Variants in MYO1H observed in about 807,000 individuals in gnomAD.
MYO1H encodes the protein myosin IH.
A neutral mutation model predicts 149.3 loss-of-function variants in MYO1H; 118 were observed. That is an observed-to-expected ratio of 0.79 (90% CI 0.68 to 0.92). The LOEUF (loss-of-function observed/expected upper bound fraction) is 0.92. MYO1H is among the 40% of genes least tolerant of loss of function. MYO1H has a pLI of 0.00. For missense variants in MYO1H, 1,212 were observed against 1,280.7 expected (o/e 0.95, Z 0.82); for synonymous variants, 447 against 465.2 (o/e 0.96, Z 0.50).
chr12:109,341,700 G>A, the MYO1H span, among the ~76,000 whole-genome samples: 3 of 152,348 alleles, frequency 2.0e-5, no homozygotes, highest in African/African-American at 7.2e-5. Context: ...GGCTACTCTA[G>A]TTGGTCCTAA....
intron 2 of MYO1H, 99 bp downstream of exon 2, chr12:109,388,943 G>T: frequency 7.2e-7 from 1 of 1,395,024 alleles, no homozygotes; most frequent in Non-Finnish European, 9.7e-7. Context: ...TATTAGGTTA[G>T]ACATTAAAGG....
At chr12:109,325,873 C>T in the MYO1H span, among the ~76,000 whole-genome samples, 2 of 152,172 alleles carry the variant, frequency 1.3e-5, no homozygotes, top group Non-Finnish European at 2.9e-5. Context: ...AATGAGATAC[C>T]ATCTCACGCC....
intron 24 of MYO1H, among the ~76,000 whole-genome samples, chr12:109,440,350 G>A (rs1001370276): frequency 3.9e-5 from 6 of 151,974 alleles, no homozygotes; most frequent in African/African-American, 4.8e-5. Context: ...GAGTACTTTC[G>A]AATCATTTCT....
At chr12:109,405,726 C>T (rs1007778327) in intron 7 of MYO1H, among the ~76,000 whole-genome samples, 196 bp from the exon 8 acceptor site, 3 of 152,136 alleles carry the variant, frequency 2.0e-5, no homozygotes, top group Non-Finnish European at 4.4e-5. Flanking sequence ...TTCCCTCTTC[C>T]CTTAGCACCT....
chr12:109,310,756 C>G, the MYO1H span, among the ~76,000 whole-genome samples: 1 of 152,164 alleles, frequency 6.6e-6, no homozygotes, highest in Non-Finnish European at 1.5e-5. Context: ...TCTGGTAGCA[C>G]CTGGACGTCC....
At chr12:109,316,577 A>C in the MYO1H span, among the ~76,000 whole-genome samples, 1 of 152,224 alleles carries the variant, frequency 6.6e-6, no homozygotes, top group Non-Finnish European at 1.5e-5. Context: ...CATTGTAACA[A>C]ATTATACTTA....
intron 15 of MYO1H, among the ~76,000 whole-genome samples, chr12:109,420,318 G>A (rs1341438772): frequency 3.9e-5 from 6 of 152,160 alleles, no homozygotes; most frequent in African/African-American, 1.4e-4. Flanking sequence ...GGGATATGTG[G>A]CAATGTCTAG....
chr12:109,385,863 C>T (rs1869295228), intron 1 of MYO1H, among the ~76,000 whole-genome samples: 1 of 152,148 alleles, frequency 6.6e-6, no homozygotes, highest in South Asian at 2.1e-4. Flanking sequence ...CTACCTCTTC[C>T]CCACTTATTT....
chr12:109,416,419 A>G (rs949230537), intron 15 of MYO1H, among the ~76,000 whole-genome samples: 1 of 148,256 alleles, frequency 6.7e-6, no homozygotes, highest in Non-Finnish European at 1.5e-5. Context: ...GGAATCATGC[A>G]ATGTGTGACC....
chr12:109,435,348 C>T (rs1201893316), intron 21 of MYO1H, among the ~76,000 whole-genome samples: 1 of 152,026 alleles, frequency 6.6e-6, no homozygotes, highest in Non-Finnish European at 1.5e-5. Context: ...TTTCAGTTCT[C>T]GTTTGGATCA....
At chr12:109,333,039 G>A in the MYO1H span, among the ~76,000 whole-genome samples, 7 of 152,148 alleles carry the variant, frequency 4.6e-5, no homozygotes, top group South Asian at 2.1e-4. Flanking sequence ...ATGTAAAAAC[G>A]CCGGGTGCCA....
chr12:109,388,617 T>C, intron 1 of MYO1H, 66 bp from the exon 2 acceptor site: 9 of 1,348,084 alleles, frequency 6.7e-6, no homozygotes, highest in Non-Finnish European at 8.9e-6. Context: ...GTTATTTCCA[T>C]GCATTAGACG....
intron 1 of MYO1H, among the ~76,000 whole-genome samples, chr12:109,350,219 A>G (rs962059378): frequency 4.6e-5 from 7 of 152,104 alleles, no homozygotes; most frequent in African/African-American, 1.4e-4. Context: ...TCATCTGGGC[A>G]GTTGCCTCTT....
Position 109,430,422 on chromosome 12 carries a change from G to A in MYO1H, c.1950-2475G>A, listed in dbSNP as rs563537376. On this transcript the variant is annotated intron_variant, in intron 19 of 31. Coordinates refer to ENST00000310903, the Ensembl canonical transcript of MYO1H. The stretch of plus-strand genomic sequence containing the variant: ...CCCTCCATATCTGTCTAGCTTTGGC[G>A]GTGCATGCTGGTATTGCGCAAGGTC... 1.3e-4 allele frequency among the ~76,000 whole-genome samples: 20 copies of A among 152,206 alleles called. No homozygotes were observed. The East Asian group carries it at 2.1e-3, about 16-fold the overall frequency.
chr12:109,415,692 C>G (rs1000629165), intron 15 of MYO1H, 72 bp downstream of exon 15: 1 of 1,149,942 alleles, frequency 8.7e-7, no homozygotes, highest in African/African-American at 1.5e-5. Context: ...AGCTCCGAGT[C>G]CATGCAGGAA....
chr12:109,354,939 G>A (rs1868554953), intron 1 of MYO1H, among the ~76,000 whole-genome samples: 1 of 152,184 alleles, frequency 6.6e-6, no homozygotes, highest in Non-Finnish European at 1.5e-5. Flanking sequence ...AGAGAACAGG[G>A]GGCCTGTCCT....
intron 1 of MYO1H, among the ~76,000 whole-genome samples, chr12:109,388,437 T>C (rs2137032233): frequency 6.6e-6 from 1 of 152,316 alleles, no homozygotes; most frequent in South Asian, 2.1e-4. Context: ...TGAAACAGTA[T>C]AAGTCAAGTG....
At chr12:109,329,061 A>G in the MYO1H span, among the ~76,000 whole-genome samples, 2 of 126,156 alleles carry the variant, frequency 1.6e-5, no homozygotes, top group African/African-American at 6.0e-5. Flanking sequence ...AAATCTGTCT[A>G]TGTTTTTAGG....
In MYO1H at chr12:109,443,028, ATG is replaced by A. The variant is rs1190606380; in HGVS notation, c.2689-468_2689-467del. ...AAAAAAAATATATATATATATATAT[ATG>A]TGTGTGTGTGTGTGTGTATATATGT... On this transcript the variant is annotated intron_variant, in intron 27 of 31. Transcript: ENST00000310903. Among the ~76,000 whole-genome samples the A allele has an allele frequency of 1.4e-3, 118 of 82,316 alleles. 21 individuals carry two copies. The highest frequency in any genetic ancestry group is 6.4e-3 in the African/African-American group (115 of 18,028). The allele number at this position is 82,316 out of a possible 152,430, so 54.0% of individuals were successfully genotyped here. A position where few individuals can be genotyped will look rare whatever the true frequency, so the allele number is the denominator to read the frequency against.
Sources: allele counts gnomAD v4.1 joint callset (sites outside exome capture counted in the v4.1 genomes callset), GRCh38; gene constraint gnomAD v4.1.1; transcripts MANE v1.5; gene names NCBI Gene and HGNC (gene_info 2026-07-23, HGNC 2026-07-21).